Variants in NR4A3 observed in about 807,000 individuals in gnomAD.
NR4A3 encodes nuclear receptor subfamily 4 group A member 3.
In NR4A3, 13 loss-of-function variants were observed where a neutral mutation model predicts 55.6. That is an observed-to-expected ratio of 0.23 (90% CI 0.15 to 0.37). The LOEUF is 0.37. Ranked by LOEUF, NR4A3 falls within the 10% of genes least tolerant of loss-of-function variation. The pLI, the probability that NR4A3 is intolerant of heterozygous loss-of-function variation, is 1.00. For missense variants in NR4A3, 646 were observed against 822.8 expected (o/e 0.79, Z 2.63); for synonymous variants, 342 against 357.9 (o/e 0.96, Z 0.50).
At position 99,828,126 on chromosome 9, in the gene NR4A3, G is replaced by A. The variant is rs764270037; in HGVS notation, c.84G>A (p.Thr28=). 13 of 1,614,014 alleles carry A rather than the reference G, an allele frequency of 8.1e-6. No individual in the cohort carries two copies. The Admixed American group carries it at 1.5e-4, about 19-fold the overall frequency. ...AAQTYSSEYT[T]EIMNPDYTKL... The stretch of plus-strand genomic sequence containing the variant: ...AGACATACAGCTCGGAATACACCAC[G>A]GAGATCATGAACCCCGACTACACCA... The change falls in exon 3 of 8, where the codon ACG becomes ACA. Residue 28 remains threonine, a synonymous_variant. Coordinates refer to ENST00000395097, the MANE Select transcript of NR4A3 (RefSeq NM_006981.4). The surrounding 1 kb of genome is among the most constrained non-coding windows in gnomAD (Gnocchi z 7.7).
At chr9:99,863,320 T>A (rs769360993) in intron 7 of NR4A3, among the ~76,000 whole-genome samples, 1 of 152,220 alleles carries the variant, frequency 6.6e-6, no homozygotes, top group Non-Finnish European at 1.5e-5. Flanking sequence ...TTACCTAAGC[T>A]GGCCATCCCA....
chr9:99,850,400 A>G (rs1014117460), intron 7 of NR4A3, among the ~76,000 whole-genome samples: 5 of 152,204 alleles, frequency 3.3e-5, no homozygotes, highest in African/African-American at 4.8e-5. Flanking sequence ...CAGATATCTA[A>G]GAGGCCAGGA....
Position 99,828,948 on chromosome 9 carries a change from G to A in NR4A3, c.906G>A (p.Gln302=). Reference sequence around the variant, plus strand: ...TGTGCGGGGACAACGCCGCCTGCCAGCACTACGGCGTGCGAACCTGCGAGG... The same window carrying A: ...TGTGCGGGGACAACGCCGCCTGCCAACACTACGGCGTGCGAACCTGCGAGG... The part of the protein sequence containing the change: ...CAVCGDNAAC[Q]HYGVRTCEGC... Residue 302 remains glutamine (Q), a synonymous_variant, in exon 3 of 8, where the codon CAG becomes CAA. Coordinates refer to ENST00000395097, the MANE Select transcript of NR4A3 (RefSeq NM_006981.4). This position sits in a 1 kb window ranked among gnomAD's most constrained non-coding sequence, Gnocchi z 7.7. 7.0e-7 allele frequency: 1 copy of A among 1,421,608 alleles called. No homozygotes were observed. Among genetic ancestry groups the A allele is most frequent in the Admixed American group, 2.6e-5 (1 of 38,294 alleles). The allele number at this position is 1,421,608 out of a possible 1,614,324, so 88.1% of individuals were successfully genotyped here.
chr9:99,824,450 G>T (rs1827253537), intron 1 of NR4A3, among the ~76,000 whole-genome samples: 1 of 152,220 alleles, frequency 6.6e-6, no homozygotes, highest in Admixed American at 6.5e-5. Flanking sequence ...GCCGTGGGAA[G>T]ATCCGCTTCT....
intron 7 of NR4A3, among the ~76,000 whole-genome samples, chr9:99,857,805 A>G (rs1045193140): frequency 2.6e-5 from 4 of 151,042 alleles, no homozygotes; most frequent in Non-Finnish European, 5.9e-5. Flanking sequence ...TAAGTGGTAG[A>G]GTTCAGGTCT....
At chr9:99,860,570 A>G (rs1020545969) in intron 7 of NR4A3, among the ~76,000 whole-genome samples, 5 of 152,222 alleles carry the variant, frequency 3.3e-5, no homozygotes, top group Admixed American at 1.3e-4. Flanking sequence ...TTTAGGCAGA[A>G]CACCACTGCA....
chr9:99,828,719 G>C lies in NR4A3; in HGVS notation c.677G>C (p.Gly226Ala), dbSNP rs1827371894. The C allele has an allele frequency of 1.5e-6, 2 of 1,303,944 alleles. No homozygotes were observed. Among genetic ancestry groups the C allele is most frequent in the Admixed American group, 8.3e-5 (2 of 24,002 alleles). The allele number at this position is 1,303,944 out of a possible 1,614,324, so 80.8% of individuals were successfully genotyped here. ...TAAAALSLPL[G>A]AAAAAGSQAA... The stretch of plus-strand genomic sequence containing the variant: ...GCTGCCGCGCTCAGCCTGCCGCTGG[G>C]AGCCGCAGCCGCCGCGGGCAGCCAG... The change falls in exon 3 of 8, where the codon GGA (glycine) becomes GCA (alanine). Residue 226 changes from glycine (G) to alanine (A), a missense_variant. Coordinates refer to ENST00000395097, the MANE Select transcript of NR4A3 (RefSeq NM_006981.4). The surrounding 1 kb of genome is among the most constrained non-coding windows in gnomAD (Gnocchi z 7.7).
chr9:99,825,514 T>G lies in NR4A3; in HGVS notation c.-176-145T>G, dbSNP rs1190783687. 1.3e-5 allele frequency: 2 copies of G among 152,426 alleles called. No homozygotes were observed. Among genetic ancestry groups the G allele is most frequent in the African/African-American group, 4.8e-5 (2 of 41,472 alleles). 9.4% of individuals were successfully genotyped at this position (152,426 alleles called of 1,614,324 possible). ...GGACTCCTGTACCATTAATCACCCT[T>G]AATTTTACGATAATTCTTTGTAATT... is the stretch of plus-strand genomic sequence containing the variant. On this transcript the variant is annotated intron_variant, in intron 1 of 7. Transcript: ENST00000395097. This position sits in a 1 kb window ranked among gnomAD's most constrained non-coding sequence, Gnocchi z 5.0.
intron 7 of NR4A3, among the ~76,000 whole-genome samples, chr9:99,848,929 G>A (rs776740822): frequency 1.3e-5 from 2 of 152,204 alleles, no homozygotes; most frequent in Non-Finnish European, 2.9e-5. Flanking sequence ...CTCCAGAAGT[G>A]GCCAAATGAG....
At position 99,844,769 on chromosome 9, in the gene NR4A3, A is replaced by G. The variant is rs772172449; in HGVS notation, c.1375A>G (p.Thr459Ala). Reference protein sequence around the residue: ...RSWAEKIPGFTDLPKEDQTLL... With the variant: ...RSWAEKIPGFADLPKEDQTLL... ...CTGGGCAGAAAAGATTCCGGGATTTACTGATCTCCCCAAAGAAGATCAGAC... is the reference window on the plus strand; with the variant it reads ...CTGGGCAGAAAAGATTCCGGGATTTGCTGATCTCCCCAAAGAAGATCAGAC... Residue 459 changes from threonine to alanine, a missense_variant, in exon 6 of 8, where the codon ACT (threonine) becomes GCT (alanine). Coordinates refer to ENST00000395097, the MANE Select transcript of NR4A3 (RefSeq NM_006981.4). The G allele has an allele frequency of 6.2e-7, 1 of 1,614,154 alleles. No homozygotes were observed. Among genetic ancestry groups the G allele is most frequent in the East Asian group, 2.2e-5 (1 of 44,878 alleles).
rs1828047855 is a variant in NR4A3, at chr9:99,863,771, C to T, written c.1785C>T (p.Thr595=). ...TGGTAGAACTGAGGAAGATCTGCAC[C>T]CTGGGCCTCCAGCGCATCTTCTACC... ...GALVELRKIC[T]LGLQRIFYLK... The change falls in exon 8 of 8, where the codon ACC becomes ACT. Residue 595 remains threonine (T), a synonymous_variant. Transcript: ENST00000395097. 1 of 1,613,772 alleles carries T rather than the reference C, an allele frequency of 6.2e-7. No individual in the cohort carries two copies. The highest frequency in any genetic ancestry group is 1.1e-5 in the South Asian group (1 of 91,058).
At chr9:99,857,737 G>T (rs918923860) in intron 7 of NR4A3, among the ~76,000 whole-genome samples, 21 of 150,756 alleles carry the variant, frequency 1.4e-4, no homozygotes, top group African/African-American at 3.7e-4. Context: ...CCTGGCGACA[G>T]AGCAAGACTC....
At chr9:99,842,537 C>T (rs1827671391) in intron 5 of NR4A3, among the ~76,000 whole-genome samples, 1 of 152,172 alleles carries the variant, frequency 6.6e-6, no homozygotes, top group Non-Finnish European at 1.5e-5. Flanking sequence ...TTGAGACCAG[C>T]TTGGCCAACA....
In NR4A3 at chr9:99,822,990, T is replaced by G. The variant is rs1827212409; in HGVS notation, c.-177+583T>G. Among the ~76,000 whole-genome samples the G allele has an allele frequency of 6.6e-6, 1 of 152,152 alleles. No homozygotes were observed. Among genetic ancestry groups the G allele is most frequent in the Non-Finnish European group, 1.5e-5 (1 of 68,016 alleles). ...GACCTCAGGAAAGAGGGCGTAATTGTAGGAATGTGGCTTATTGTATTGAAA... is the reference window on the plus strand; with the variant it reads ...GACCTCAGGAAAGAGGGCGTAATTGGAGGAATGTGGCTTATTGTATTGAAA... On this transcript the variant is annotated intron_variant, in intron 1 of 7. Coordinates refer to ENST00000395097, the MANE Select transcript of NR4A3 (RefSeq NM_006981.4). The surrounding 1 kb of genome is among the most constrained non-coding windows in gnomAD (Gnocchi z 4.9).
At chr9:99,838,492 A>G (rs926506969) in intron 5 of NR4A3, among the ~76,000 whole-genome samples, 21 of 152,250 alleles carry the variant, frequency 1.4e-4, no homozygotes, top group African/African-American at 5.1e-4. Context: ...ATTGTTACCA[A>G]TTCACCAGAT....
chr9:99,851,733 C>A (rs1268302052), intron 7 of NR4A3, among the ~76,000 whole-genome samples: 1 of 152,158 alleles, frequency 6.6e-6, no homozygotes, highest in Non-Finnish European at 1.5e-5. Flanking sequence ...TAACCATTGC[C>A]CTTTGCCAGT....
In NR4A3 at chr9:99,844,919, A is replaced by C. The variant is rs551631675; in HGVS notation, c.1454+71A>C. 1.3e-4 allele frequency: 156 copies of C among 1,185,368 alleles called. 2 individuals are homozygous for C. The East Asian group carries it at 3.6e-3, about 28-fold the overall frequency. The allele number at this position is 1,185,368 out of a possible 1,614,324, so 73.4% of individuals were successfully genotyped here. On this transcript the variant is annotated intron_variant, in intron 6 of 7. Transcript: ENST00000395097. The stretch of plus-strand genomic sequence containing the variant: ...CTGAAACCTTCTGTGTTTGTAACTG[A>C]ATCATTGGTGAAACGTTTTCTCAAG...
rs1828088815 is a variant in NR4A3, at chr9:99,865,879, C to G, written c.*2012C>G. The G allele has an allele frequency of 4.6e-6, 1 of 215,978 alleles. No individual in the cohort carries two copies. The highest frequency in any genetic ancestry group is 9.4e-6 in the Non-Finnish European group (1 of 106,876). The allele number at this position is 215,978 out of a possible 1,614,324, so 13.4% of individuals were successfully genotyped here. A position where few individuals can be genotyped will look rare whatever the true frequency, so the allele number is the denominator to read the frequency against. ...AATGTTAGGATTTTGAAATGTTAGA[C>G]TTGGAAGGGGCCTGGTCTGTCAACT... On this transcript the variant is annotated 3_prime_UTR_variant, in exon 8 of 8. Coordinates refer to ENST00000395097, the MANE Select transcript of NR4A3 (RefSeq NM_006981.4). The surrounding 1 kb of genome is among the most constrained non-coding windows in gnomAD (Gnocchi z 4.3).
rs1339324977 is a variant in NR4A3 at position 99,832,712 on chromosome 9, A to G, written c.975A>G (p.Lys325=). The part of the protein sequence containing the change: ...FFKRTVQKNA[K]YVCLANKNCP... ...AGAGAACAGTGCAGAAAAATGCAAA[A>G]TATGTTTGCCTGGCAAATAAAAACT... The change falls in exon 4 of 8, where the codon AAA becomes AAG. Residue 325 remains lysine, a synonymous_variant. Coordinates refer to ENST00000395097, the MANE Select transcript of NR4A3 (RefSeq NM_006981.4). 2 of 1,609,188 alleles carry G rather than the reference A, an allele frequency of 1.2e-6. No individual in the cohort carries two copies. The highest frequency in any genetic ancestry group is 1.3e-5 in the African/African-American group (1 of 74,848).
Sources: gnomAD v4.1 joint callset for allele counts (sites outside exome capture counted in the v4.1 genomes callset) on GRCh38, gnomAD v4.1.1 for gene constraint, Gnocchi (gnomAD v3.1) non-coding constraint, MANE v1.5 for transcripts, NCBI Gene and HGNC (gene_info 2026-07-23, HGNC 2026-07-21) for gene names.